TTLL13: variants seen among roughly 807,000 people sequenced by gnomAD.
The protein encoded by TTLL13 is tubulin tyrosine ligase like 13, also known as tubulin polyglutamylase TTLL13.
chr15:90,253,180 C>G, the TTLL13 span: 1 of 1,347,256 alleles, frequency 7.4e-7, no homozygotes, highest in East Asian at 2.3e-5. Context: ...CTTACCTGAC[C>G]CAGCTACACA....
the TTLL13 span, chr15:90,262,328 A>T: frequency 8.7e-7 from 1 of 1,152,722 alleles, no homozygotes. Flanking sequence ...ACTCTTAGTG[A>T]CTCTTTTCAG....
chr15:90,256,167 G>A, the TTLL13 span: 225 of 1,614,054 alleles, frequency 1.4e-4, no homozygotes, highest in Admixed American at 1.8e-4. Context: ...TCCTACGGTC[G>A]TCAGCGAAAA....
At chr15:90,258,214 A>C in the TTLL13 span, 1 of 1,614,246 alleles carries the variant, frequency 6.2e-7, no homozygotes, top group Non-Finnish European at 8.5e-7. Flanking sequence ...GCCTGTTTTG[A>C]AATCCTTGGT....
the TTLL13 span, chr15:90,262,927 C>A: frequency 2.6e-6 from 4 of 1,523,234 alleles, no homozygotes; most frequent in African/African-American, 5.5e-5. Flanking sequence ...TGGGACTTAT[C>A]CTTGGAGATC....
chr15:90,262,432 C>T, the TTLL13 span: 1 of 1,424,162 alleles, frequency 7.0e-7, no homozygotes, highest in East Asian at 2.5e-5. Flanking sequence ...CCCATTTTTC[C>T]TCACCCCTCT....
the TTLL13 span, chr15:90,258,979 A>G: frequency 1.9e-6 from 3 of 1,612,994 alleles, no homozygotes; most frequent in Non-Finnish European, 2.5e-6. Context: ...CTGAGAGTAA[A>G]AGTCCTCCTT....
the TTLL13 span, among the ~76,000 whole-genome samples, chr15:90,256,917 A>C: frequency 3.9e-5 from 6 of 151,934 alleles, no homozygotes; most frequent in African/African-American, 1.5e-4. Context: ...TGAACTCCTG[A>C]ACTCGTGATC....
the TTLL13 span, chr15:90,264,720 A>G: frequency 4.6e-6 from 7 of 1,535,916 alleles, no homozygotes; most frequent in South Asian, 8.3e-5. Flanking sequence ...TCCACTGCAG[A>G]AGGACAAGCC....
the TTLL13 span, chr15:90,253,494 A>C: frequency 1.3e-5 from 7 of 521,448 alleles, no homozygotes; most frequent in East Asian, 6.2e-5. Context: ...AAGAAAGACC[A>C]CCCCCAGGGT....
chr15:90,261,399 A>G, the TTLL13 span, among the ~76,000 whole-genome samples: 1 of 148,244 alleles, frequency 6.7e-6, no homozygotes, highest in East Asian at 2.0e-4. Context: ...TTTTTTTCAA[A>G]TGGAAAGCTA....
the TTLL13 span, chr15:90,264,864 T>C: frequency 2.0e-6 from 3 of 1,536,084 alleles, no homozygotes; most frequent in South Asian, 3.6e-5. Flanking sequence ...TTGCCCTCCA[T>C]GGTAAACTCT....
the TTLL13 span, among the ~76,000 whole-genome samples, chr15:90,254,491 T>TAAAAAA: frequency 2.8e-4 from 24 of 84,212 alleles, 2 homozygotes; most frequent in East Asian, 1.0e-3. Context: ...AGACTCCATC[T>TAAAAAA]AAAAAAAAAA....
At chr15:90,264,477 A>G in the TTLL13 span, among the ~76,000 whole-genome samples, 1 of 152,132 alleles carries the variant, frequency 6.6e-6, no homozygotes, top group Non-Finnish European at 1.5e-5. Context: ...GGCCTATTTA[A>G]TCCTTTCTGT....
the TTLL13 span, chr15:90,264,769 A>T: frequency 6.5e-7 from 1 of 1,536,140 alleles, no homozygotes; most frequent in Non-Finnish European, 8.7e-7. Context: ...TCCTGGCAGG[A>T]TCAGTGCCAC....
the TTLL13 span, chr15:90,265,201 T>G: frequency 7.4e-7 from 1 of 1,344,508 alleles, no homozygotes; most frequent in Non-Finnish European, 9.6e-7. Context: ...AGCCATGTAC[T>G]CATTTCTGCT....
chr15:90,255,519 C>T, the TTLL13 span, among the ~76,000 whole-genome samples: 1 of 152,132 alleles, frequency 6.6e-6, no homozygotes, highest in African/African-American at 2.4e-5. Context: ...CTTCTCACTG[C>T]CCCTCATTTG....
chr15:90,263,556 G>A, the TTLL13 span: 17 of 547,682 alleles, frequency 3.1e-5, no homozygotes, highest in South Asian at 1.1e-4. Context: ...AAGAGCTGCC[G>A]CTTTCACTAT....
At chr15:90,263,096 G>C in the TTLL13 span, 45 of 1,535,978 alleles carry the variant, frequency 2.9e-5, no homozygotes, top group East Asian at 7.3e-5. Context: ...CAGCTCACCC[G>C]TCTGCAGCAC....
chr15:90,258,179 C>G, the TTLL13 span: 4 of 1,614,232 alleles, frequency 2.5e-6, no homozygotes, highest in Non-Finnish European at 3.4e-6. Context: ...CCTGTTTTCC[C>G]CAGTATCTGA....
Sources: allele counts gnomAD v4.1 joint callset (sites outside exome capture counted in the v4.1 genomes callset), GRCh38; gene constraint gnomAD v4.1.1; transcripts MANE v1.5; gene names NCBI Gene and HGNC (gene_info 2026-07-23, HGNC 2026-07-21).